The following IGF2BP3 variants were observed in gnomAD, a reference collection of about 807,000 sequenced individuals.
The protein encoded by IGF2BP3 is insulin like growth factor 2 mRNA binding protein 3.
IGF2BP3 carries 9 observed loss-of-function variants against 73.8 expected under a neutral mutation model. That is an observed-to-expected ratio of 0.12 (90% CI 0.07 to 0.21). The LOEUF is 0.21. IGF2BP3 is among the 10% of genes least tolerant of loss of function. The pLI is 1.00. For missense variants in IGF2BP3, 542 were observed against 714.0 expected (o/e 0.76, Z 2.75); for synonymous variants, 258 against 256.7 (o/e 1.01, Z -0.05).
chr7:23,352,345 A>C (rs1335937877), intron 5 of IGF2BP3, among the ~76,000 whole-genome samples: 1 of 138,496 alleles, frequency 7.2e-6, no homozygotes, highest in African/African-American at 2.7e-5. Context: ...CTGGAGCGCA[A>C]TAGAGCCATC....
chr7:23,456,906 G>A (rs1033283623), intron 2 of IGF2BP3, among the ~76,000 whole-genome samples: 1 of 152,062 alleles, frequency 6.6e-6, no homozygotes, highest in Non-Finnish European at 1.5e-5. Context: ...AAAATTAGCT[G>A]GGCGTAGTGG....
chr7:23,361,826 T>A (rs1201361797), intron 3 of IGF2BP3, 85 bp from the exon 4 acceptor site: 3 of 1,237,694 alleles, frequency 2.4e-6, no homozygotes, highest in African/African-American at 1.5e-5. Flanking sequence ...AATCACTAAG[T>A]AATTGTGATG....
chr7:23,446,285 T>C (rs1269389206), intron 2 of IGF2BP3, among the ~76,000 whole-genome samples: 1 of 152,168 alleles, frequency 6.6e-6, no homozygotes, highest in East Asian at 1.9e-4. Context: ...ATGCCCAGTG[T>C]GGTGGCTCAT....
intron 10 of IGF2BP3, among the ~76,000 whole-genome samples, chr7:23,327,560 C>T (rs1445816958): frequency 1.3e-5 from 2 of 152,108 alleles, no homozygotes; most frequent in Admixed American, 6.6e-5. Context: ...GGATTACAGG[C>T]GTGAGCCACC....
chr7:23,406,897 C>A (rs1786849369), intron 3 of IGF2BP3, among the ~76,000 whole-genome samples: 1 of 152,074 alleles, frequency 6.6e-6, no homozygotes, highest in Non-Finnish European at 1.5e-5. Flanking sequence ...TTTAGCTAGA[C>A]AGAAAAGTTC....
intron 3 of IGF2BP3, among the ~76,000 whole-genome samples, chr7:23,407,857 G>A (rs1458998836): frequency 1.4e-5 from 2 of 142,876 alleles, no homozygotes; most frequent in East Asian, 4.1e-4. Context: ...AAAAATGTTA[G>A]CAAATTAAAC....
intron 3 of IGF2BP3, among the ~76,000 whole-genome samples, chr7:23,401,274 A>G (rs1204122318): frequency 6.6e-6 from 1 of 152,160 alleles, no homozygotes; most frequent in Non-Finnish European, 1.5e-5. Context: ...GACCCACCAG[A>G]GGAACAGTTG....
intron 2 of IGF2BP3, among the ~76,000 whole-genome samples, chr7:23,462,968 T>C (rs907244607): frequency 2.6e-4 from 40 of 152,212 alleles, no homozygotes; most frequent in African/African-American, 8.9e-4. Context: ...ATCAGATTTA[T>C]GGGGCTGAGA....
chr7:23,374,598 AC>A (rs143803842), intron 3 of IGF2BP3, among the ~76,000 whole-genome samples: 8,050 of 151,974 alleles, frequency 0.053, 393 homozygotes, highest in African/African-American at 0.12. Flanking sequence ...GACTGCTTGA[AC>A]CCAGAGTTAG....
At position 23,449,528 on chromosome 7, in the gene IGF2BP3, T is replaced by C. The variant is rs554754587; in HGVS notation, c.236+18954A>G. ...AGACTCCGTCTAAAAAAATACCTGA[T>C]ACAATTTTTTTTCCTTTTTCTTTTT... On this transcript the variant is annotated intron_variant, in intron 2 of 14. Coordinates refer to ENST00000258729, the MANE Select transcript of IGF2BP3 (RefSeq NM_006547.3). Among the ~76,000 whole-genome samples, 5 of 148,694 alleles carry C rather than the reference T, an allele frequency of 3.4e-5. No homozygotes were observed. The South Asian group carries it at 1.1e-3, about 32-fold the overall frequency.
chr7:23,336,257 A>G (rs1784570015), intron 10 of IGF2BP3, among the ~76,000 whole-genome samples: 1 of 152,210 alleles, frequency 6.6e-6, no homozygotes, highest in African/African-American at 2.4e-5. Context: ...TACATTTAAA[A>G]TAAAAGCAGA....
At chr7:23,432,519 GA>G (rs1562750747) in intron 2 of IGF2BP3, among the ~76,000 whole-genome samples, 2 of 151,450 alleles carry the variant, frequency 1.3e-5, no homozygotes, top group African/African-American at 2.4e-5. Flanking sequence ...TGTCAAACAG[GA>G]AAAAAACAAA....
At position 23,469,985 on chromosome 7, in the gene IGF2BP3, C is replaced by G. The variant is rs768113918; in HGVS notation, c.126G>C (p.Val42=). The G allele has an allele frequency of 6.2e-7, 1 of 1,612,644 alleles. No homozygotes were observed. Residue 42 remains valine (V), a synonymous_variant, in exon 1 of 15, where the codon GTG becomes GTC. Coordinates refer to ENST00000258729, the MANE Select transcript of IGF2BP3 (RefSeq NM_006547.3). The surrounding 1 kb of genome is among the most constrained non-coding windows in gnomAD (Gnocchi z 6.1). ...PFLVKTGYAF[V]DCPDESWALK... ...GGGCCCAGCTCTCGTCCGGGCAGTC[C>G]ACGAACGCGTAGCCAGTCTTCACCA... is the stretch of plus-strand genomic sequence containing the variant.
intron 3 of IGF2BP3, among the ~76,000 whole-genome samples, chr7:23,363,310 G>A (rs888991997): frequency 6.6e-6 from 1 of 152,046 alleles, no homozygotes; most frequent in Non-Finnish European, 1.5e-5. Flanking sequence ...GCAGTGGCAC[G>A]ACCATAGATC....
At chr7:23,366,180 C>T (rs1281249842) in intron 3 of IGF2BP3, among the ~76,000 whole-genome samples, 1 of 151,824 alleles carries the variant, frequency 6.6e-6, no homozygotes, top group Non-Finnish European at 1.5e-5. Context: ...CTCTATCACC[C>T]AGGCTGGAGT....
chr7:23,312,803 G>C lies in IGF2BP3; in HGVS notation c.1573C>G (p.Arg525Gly). Residue 525 changes from arginine (R) to glycine (G), a missense_variant, in exon 14 of 15, where the codon CGT becomes GGT. Arg to Gly is a moderately radical substitution (Grantham distance 125, BLOSUM62 -2). Around this residue, in one of 2 missense-constraint regions of IGF2BP3, gnomAD observed 303 missense variants for 472.1 expected, o/e 0.64. Transcript: ENST00000258729. ...NLSSAEVVVPRDQTPDENDQV... is the reference protein window; with the variant it reads ...NLSSAEVVVPGDQTPDENDQV... ...TCATTCTCATCAGGTGTCTGGTCACGAGGGACAACAACTTCTGCACTTGAC... is the reference window on the plus strand; with the variant it reads ...TCATTCTCATCAGGTGTCTGGTCACCAGGGACAACAACTTCTGCACTTGAC... 4 of 1,612,932 alleles carry C rather than the reference G, an allele frequency of 2.5e-6. No homozygotes were observed. The highest frequency in any genetic ancestry group is 1.7e-6 in the Non-Finnish European group (2 of 1,179,692).
At chr7:23,404,246 G>A (rs1467320961) in intron 3 of IGF2BP3, among the ~76,000 whole-genome samples, 1 of 152,078 alleles carries the variant, frequency 6.6e-6, no homozygotes, top group East Asian at 1.9e-4. Context: ...GAGTACTAAA[G>A]AGAAGGAAAT....
chr7:23,444,742 C>CA (rs56029431), intron 2 of IGF2BP3, among the ~76,000 whole-genome samples: 2,004 of 81,854 alleles, frequency 0.024, 15 homozygotes, highest in East Asian at 0.042. Context: ...GACTCTGTCT[C>CA]AAAAAAAAAA....
chr7:23,343,652 T>C, intron 9 of IGF2BP3, 66 bp downstream of exon 9: 1 of 1,417,974 alleles, frequency 7.1e-7, no homozygotes, highest in Non-Finnish European at 9.9e-7. Context: ...TCAATATTAA[T>C]GCAGTTAAAA....
Sources: allele counts gnomAD v4.1 joint callset (sites outside exome capture counted in the v4.1 genomes callset), GRCh38; gene constraint gnomAD v4.1.1; regional missense constraint gnomAD v4.1.1; non-coding constraint Gnocchi (gnomAD v3.1); transcripts MANE v1.5; gene names NCBI Gene and HGNC (gene_info 2026-07-23, HGNC 2026-07-21).